RGS3: variants seen among roughly 807,000 people sequenced by gnomAD.
The protein encoded by RGS3 is regulator of G protein signaling 3.
RGS3 carries 80 observed loss-of-function variants against 132.6 expected under a neutral mutation model. That is an observed-to-expected ratio of 0.60 (90% CI 0.50 to 0.73). The LOEUF is 0.73. Among genes scored for constraint, RGS3 ranks in the 30% least tolerant of loss-of-function variants. The probability of loss-of-function intolerance (pLI) is 0.00; values close to 1 mark genes in which losing one functional copy is unlikely to be tolerated. For missense variants in RGS3, 1,382 were observed against 1,530.8 expected (o/e 0.90, Z 1.62); for synonymous variants, 598 against 620.6 (o/e 0.96, Z 0.54).
intron 21 of RGS3, chr9:113,592,426 G>T (rs1264500112): frequency 1.3e-5 from 2 of 152,216 alleles, no homozygotes; most frequent in African/African-American, 4.8e-5. Context: ...CAGGCATCCC[G>T]GGTGCTGGAG....
chr9:113,584,114 A>C lies in RGS3; in HGVS notation c.2702A>C (p.Asp901Ala), dbSNP rs200205068. ...GAAGGGGAGGAGGACGAGGATGAGG[A>C]CACCAGCGATGACAACTACGGAGAG... Residue 901 changes from aspartate to alanine, a missense_variant, in exon 20 of 25, where the codon GAC becomes GCC. Coordinates refer to ENST00000350696, the Ensembl canonical transcript of RGS3. The C allele has an allele frequency of 1.6e-4, 253 of 1,614,110 alleles. No homozygotes were observed. Among genetic ancestry groups the C allele is most frequent in the Non-Finnish European group, 4.3e-5 (51 of 1,180,050 alleles).
intron 5 of RGS3, among the ~76,000 whole-genome samples, chr9:113,483,425 G>A (rs2119225045): frequency 6.6e-6 from 1 of 152,318 alleles, no homozygotes; most frequent in Non-Finnish European, 1.5e-5. Context: ...CTTGTGAAAA[G>A]CACCGTTTTC....
chr9:113,498,842 A>T (rs1480797495), intron 10 of RGS3, among the ~76,000 whole-genome samples: 1 of 146,458 alleles, frequency 6.8e-6, no homozygotes. Flanking sequence ...ACTTGAACCC[A>T]GGCAGCGGAG....
chr9:113,542,742 C>T (rs560188304), intron 19 of RGS3, among the ~76,000 whole-genome samples: 1 of 152,344 alleles, frequency 6.6e-6, no homozygotes, highest in African/African-American at 2.4e-5. Flanking sequence ...AGTGCTCAGC[C>T]TGGCCCAGGT....
chr9:113,564,592 C>G (rs553083727), intron 19 of RGS3, among the ~76,000 whole-genome samples: 1 of 152,306 alleles, frequency 6.6e-6, no homozygotes, highest in South Asian at 2.1e-4. Context: ...TGTTCCACTG[C>G]CCCCGCAGTT....
chr9:113,528,031 A>T (rs1229576321), intron 17 of RGS3, among the ~76,000 whole-genome samples: 1 of 152,120 alleles, frequency 6.6e-6, no homozygotes, highest in Non-Finnish European at 1.5e-5. Context: ...TACTCAATTC[A>T]TCTGTGCCTC....
intron 19 of RGS3, among the ~76,000 whole-genome samples, chr9:113,538,663 A>G (rs974540396): frequency 6.6e-6 from 1 of 152,190 alleles, no homozygotes; most frequent in Non-Finnish European, 1.5e-5. Context: ...GAACGGCCCA[A>G]GGGTTTGAGG....
In RGS3 at chr9:113,591,197, C is replaced by T; in HGVS notation, c.3016-136C>T. On this transcript the variant is annotated intron_variant, in intron 20 of 24. Coordinates refer to ENST00000350696, the Ensembl canonical transcript of RGS3. The surrounding 1 kb of genome is among the most constrained non-coding windows in gnomAD (Gnocchi z 4.4). ...TCCCAGCAGTGGGGTTTCCCTCCCT[C>T]ACCTGTGTGCCGCGGGTGGGGGCTT... 1 of 723,092 alleles carries T rather than the reference C, an allele frequency of 1.4e-6. No individual in the cohort carries two copies. Among genetic ancestry groups the T allele is most frequent in the Non-Finnish European group, 2.4e-6 (1 of 425,508 alleles). The allele number at this position is 723,092 out of a possible 1,614,324, so 44.8% of individuals were successfully genotyped here.
intron 19 of RGS3, among the ~76,000 whole-genome samples, chr9:113,578,639 C>T (rs540000703): frequency 6.1e-4 from 93 of 152,156 alleles, no homozygotes; most frequent in Middle Eastern, 3.4e-3. Context: ...GCTGGGCTGA[C>T]GCTGAGCCAG....
chr9:113,495,584 T>A (rs1411478090), intron 7 of RGS3, among the ~76,000 whole-genome samples: 2 of 151,984 alleles, frequency 1.3e-5, no homozygotes, highest in Non-Finnish European at 2.9e-5. Flanking sequence ...CAACTCTGAG[T>A]CTCCATTTTT....
rs1209464651 is a variant in RGS3, at chr9:113,499,214, G to A, written c.897+1134G>A. On this transcript the variant is annotated intron_variant, in intron 10 of 24. Coordinates refer to ENST00000350696, the Ensembl canonical transcript of RGS3. The stretch of plus-strand genomic sequence containing the variant: ...TGCATTCCAGCCTAGGCAAGAGAAC[G>A]AGATTCCATCTCAAAAAAAAAAAAA... Among the ~76,000 whole-genome samples the A allele has an allele frequency of 1.3e-4, 17 of 132,292 alleles. 1 individual carries two copies. Among genetic ancestry groups the A allele is most frequent in the Non-Finnish European group, 2.2e-4 (14 of 64,580 alleles). The allele number at this position is 132,292 out of a possible 152,430, so 86.8% of individuals were successfully genotyped here.
At chr9:113,572,428 CG>C (rs1472890059) in intron 19 of RGS3, among the ~76,000 whole-genome samples, 2 of 151,896 alleles carry the variant, frequency 1.3e-5, no homozygotes, top group African/African-American at 2.4e-5. Context: ...GCCTGAGGCT[CG>C]GGAGGGTGAC....
chr9:113,445,975 A>G (rs946639498), intron 1 of RGS3, among the ~76,000 whole-genome samples: 1 of 152,186 alleles, frequency 6.6e-6, no homozygotes, highest in Non-Finnish European at 1.5e-5. Flanking sequence ...CACCGTGCCC[A>G]GAATGTTTTT....
At chr9:113,452,144 A>G (rs940712338) in intron 1 of RGS3, among the ~76,000 whole-genome samples, 2 of 152,052 alleles carry the variant, frequency 1.3e-5, no homozygotes, top group African/African-American at 2.4e-5. Flanking sequence ...GACTACAGGC[A>G]TGCACCACCA....
Position 113,513,129 on chromosome 9 carries a change from G to A in RGS3, c.1478-1329G>A, listed in dbSNP as rs530467964. 3.3e-5 allele frequency among the ~76,000 whole-genome samples: 5 copies of A among 152,294 alleles called. No individual in the cohort carries two copies. In the South Asian group the frequency reaches 1.0e-3, roughly 32 times the overall value. ...GAGAATCACTTGAACCTGGGAGGTG[G>A]GGGTTGTGGTGAGCCGAGATCGGCC... On this transcript the variant is annotated intron_variant, in intron 14 of 24. Transcript: ENST00000350696.
chr9:113,491,737 A>G (rs1830529178), intron 7 of RGS3, among the ~76,000 whole-genome samples: 1 of 152,034 alleles, frequency 6.6e-6, no homozygotes, highest in Admixed American at 6.6e-5. Context: ...TATTTTTAGT[A>G]GAGACAGGGT....
intron 5 of RGS3, 24 bp downstream of exon 3, chr9:113,483,141 A>G: frequency 6.5e-7 from 1 of 1,533,230 alleles, no homozygotes; most frequent in Non-Finnish European, 9.0e-7. Context: ...CCGGAGATGG[A>G]GAGTGGGATA....
intron 19 of RGS3, among the ~76,000 whole-genome samples, chr9:113,569,292 G>A (rs1834155212): frequency 6.6e-6 from 1 of 152,216 alleles, no homozygotes; most frequent in African/African-American, 2.4e-5. Context: ...GGGTGGCAGA[G>A]GGTAAGGGAA....
chr9:113,497,496 C>T, intron 9 of RGS3, 92 bp downstream of exon 7: 3 of 1,051,982 alleles, frequency 2.9e-6, no homozygotes, highest in Non-Finnish European at 4.2e-6. Flanking sequence ...TTTGGTGGCC[C>T]CTGCTACTGA....
Sources: gnomAD v4.1 joint callset for allele counts (sites outside exome capture counted in the v4.1 genomes callset) on GRCh38, gnomAD v4.1.1 for gene constraint, Gnocchi (gnomAD v3.1) non-coding constraint, MANE v1.5 for transcripts, NCBI Gene and HGNC (gene_info 2026-07-23, HGNC 2026-07-21) for gene names.